LPIN1: variants seen among roughly 807,000 people sequenced by gnomAD.
LPIN1 encodes the protein phosphatidate phosphatase LPIN1.
LPIN1 carries 71 observed loss-of-function variants against 107.5 expected under a neutral mutation model. That is an observed-to-expected ratio of 0.66 (90% CI 0.55 to 0.80). LPIN1 has a LOEUF of 0.80. Among genes scored for constraint, LPIN1 ranks in the 30% least tolerant of loss-of-function variants. LPIN1 has a pLI of 0.00. For missense variants in LPIN1, 1,043 were observed against 1,160.6 expected (o/e 0.90, Z 1.47); for synonymous variants, 445 against 452.6 (o/e 0.98, Z 0.21).
rs1662928757 is a variant in LPIN1 at position 11,702,638 on chromosome 2, T to A, written c.82-11118T>A. ...CTTCATGCATGCCCAGGAGGCTTTT[T>A]GCAATAAGGACTGCACAAAGAATAT... On this transcript the variant is annotated intron_variant, in intron 1 of 21. Coordinates refer to the LPIN1 transcript ENST00000449576. 2.0e-5 allele frequency among the ~76,000 whole-genome samples: 3 copies of A among 152,242 alleles called. No individual in the cohort carries two copies. In the South Asian group the frequency reaches 6.2e-4, roughly 31 times the overall value.
rs75955960 is a variant in LPIN1, at chr2:11,697,137, G to T, written c.82-16619G>T. 2.7e-3 allele frequency among the ~76,000 whole-genome samples: 408 copies of T among 152,344 alleles called. 8 individuals are homozygous for T. In the East Asian group the frequency reaches 0.044, roughly 16 times the overall value. ...CGGAGCTCAAGTTCTGGGAAGGGCA[G>T]TGCCCTTTTCTGTGGGGCCCTGGGC... On this transcript the variant is annotated intron_variant, in intron 1 of 21. Transcript: ENST00000449576. The surrounding 1 kb of genome is among the most constrained non-coding windows in gnomAD (Gnocchi z 4.6).
Position 11,824,638 on chromosome 2 carries a change from G to A in LPIN1, c.2628G>A (p.Val876=), listed in dbSNP as rs751832564. The change falls in exon 21 of 21, where the codon GTG becomes GTA. Residue 876 remains valine, a synonymous_variant. Coordinates refer to ENST00000674199, the MANE Select transcript of LPIN1 (RefSeq NM_001349206.2). ...AATGTCCCTTTCCTTCCAGGTATGT[G>A]AGACTCTGTGAAGTAGTCGACCACG... ...EHAKTNISSY[V]RLCEVVDHVF... The A allele has an allele frequency of 1.9e-6, 3 of 1,613,944 alleles. No individual in the cohort carries two copies. Among genetic ancestry groups the A allele is most frequent in the African/African-American group, 1.3e-5 (1 of 74,878 alleles).
At chr2:11,733,680 CAG>C (rs1665501599) in intron 1 of LPIN1, among the ~76,000 whole-genome samples, 1 of 152,102 alleles carries the variant, frequency 6.6e-6, no homozygotes, top group African/African-American at 2.4e-5. Context: ...TTAGTAGAGA[CAG>C]GGTTTTGCCA....
At chr2:11,739,003 G>A (rs941248627) in intron 1 of LPIN1, among the ~76,000 whole-genome samples, 2 of 152,206 alleles carry the variant, frequency 1.3e-5, no homozygotes, top group African/African-American at 4.8e-5. Context: ...AAAAAGAGGC[G>A]CCTACACCTA....
At chr2:11,773,146 C>G (rs183962666) in intron 4 of LPIN1, among the ~76,000 whole-genome samples, 1 of 152,202 alleles carries the variant, frequency 6.6e-6, no homozygotes, top group Non-Finnish European at 1.5e-5. Context: ...ATTCTGTAAT[C>G]GTAAGGCATG....
intron 17 of LPIN1, among the ~76,000 whole-genome samples, chr2:11,812,873 G>A (rs997043150): frequency 6.6e-6 from 1 of 152,200 alleles, no homozygotes; most frequent in African/African-American, 2.4e-5. Context: ...GAGGCCAGGA[G>A]GCCATGCGGT....
chr2:11,775,328 C>G (rs1672493910), intron 5 of LPIN1, among the ~76,000 whole-genome samples: 1 of 151,876 alleles, frequency 6.6e-6, no homozygotes, highest in African/African-American at 2.4e-5. Flanking sequence ...TATTTAGAAC[C>G]CAATAATAGA....
chr2:11,688,938 A>G (rs958037490), intron 1 of LPIN1, among the ~76,000 whole-genome samples: 37 of 152,218 alleles, frequency 2.4e-4, no homozygotes, highest in African/African-American at 8.4e-4. Context: ...TTTCTACCCA[A>G]TTAGAAATGC....
intron 17 of LPIN1, among the ~76,000 whole-genome samples, chr2:11,812,496 A>T (rs73189038): frequency 0.052 from 7,967 of 152,172 alleles, 388 homozygotes; most frequent in East Asian, 0.15. Flanking sequence ...GCAGAGACCT[A>T]GATGAGGTGA....
chr2:11,797,496 G>C (rs1676928733), intron 14 of LPIN1, among the ~76,000 whole-genome samples: 1 of 152,212 alleles, frequency 6.6e-6, no homozygotes, highest in South Asian at 2.1e-4. Context: ...AGTGCCCAAG[G>C]CTGTGGGAGC....
At chr2:11,739,035 G>A (rs1666075341) in intron 1 of LPIN1, among the ~76,000 whole-genome samples, 1 of 152,232 alleles carries the variant, frequency 6.6e-6, no homozygotes, top group Non-Finnish European at 1.5e-5. Context: ...TGTGGGCTGG[G>A]CTTACTAATA....
chr2:11,817,509 G>A (rs1376055734), intron 18 of LPIN1: 2 of 152,182 alleles, frequency 1.3e-5, no homozygotes, highest in Non-Finnish European at 2.9e-5. Context: ...TTATCTGAAG[G>A]TGTTGCTTTC....
Position 11,819,595 on chromosome 2 carries a change from A to C in LPIN1, c.2514A>C (p.Pro838=). ...EPFYAAFGNR[P]ADVYSYKQVG... is the part of the protein sequence containing the mutation. ...TTTATGCTGCTTTTGGAAACCGACC[A>C]GCTGTAAGTAGTAGATTGGGTATAG... is the stretch of plus-strand genomic sequence containing the variant. The change falls in exon 19 of 21, where the codon CCA becomes CCC. Residue 838 remains proline (P), a synonymous_variant. Transcript: ENST00000674199. 1 of 1,610,460 alleles carries C rather than the reference A, an allele frequency of 6.2e-7. No homozygotes were observed. The highest frequency in any genetic ancestry group is 8.5e-7 in the Non-Finnish European group (1 of 1,176,632).
At chr2:11,790,761 TC>T in intron 12 of LPIN1, among the ~76,000 whole-genome samples, 1 of 152,218 alleles carries the variant, frequency 6.6e-6, no homozygotes, top group Non-Finnish European at 1.5e-5. Flanking sequence ...CGTTTTCTGT[TC>T]CTGTGATATG....
At chr2:11,788,906 G>A (rs1474794314) in intron 12 of LPIN1, among the ~76,000 whole-genome samples, 1 of 152,224 alleles carries the variant, frequency 6.6e-6, no homozygotes, top group Non-Finnish European at 1.5e-5. Context: ...CTGAGTCTCT[G>A]AGGCCAGAGC....
rs1671819767 is a variant in LPIN1, at chr2:11,771,407, C to T, written c.324C>T (p.Ile108=). The T allele has an allele frequency of 1.9e-6, 3 of 1,614,258 alleles. No homozygotes were observed. The highest frequency in any genetic ancestry group is 2.5e-6 in the Non-Finnish European group (3 of 1,180,040). Residue 108 remains isoleucine (I), a synonymous_variant, in exon 4 of 21, where the codon ATC becomes ATT. Transcript: ENST00000674199. The surrounding 1 kb of genome is among the most constrained non-coding windows in gnomAD (Gnocchi z 4.8). ...VIPMHLATSP[I]LSEGASRMEC... is the part of the protein sequence containing the mutation. ...CTATGCACCTGGCCACCTCCCCCAT[C>T]CTGTCAGAAGGAGCTTCGAGAATGG...
chr2:11,822,179 C>T (rs571548691), intron 20 of LPIN1, among the ~76,000 whole-genome samples: 1 of 151,516 alleles, frequency 6.6e-6, no homozygotes, highest in South Asian at 2.1e-4. Flanking sequence ...GCCTATAATC[C>T]CAGCACTTTG....
At chr2:11,767,259 C>A (rs1255977620) in intron 2 of LPIN1, among the ~76,000 whole-genome samples, 1 of 152,070 alleles carries the variant, frequency 6.6e-6, no homozygotes, top group Non-Finnish European at 1.5e-5. Context: ...AGGATCCCAG[C>A]CAATAGTTGA....
intron 4 of LPIN1, 48 bp from the exon 5 acceptor site, chr2:11,773,572 T>C: frequency 1.9e-6 from 3 of 1,550,012 alleles, no homozygotes; most frequent in Non-Finnish European, 2.7e-6. Context: ...TGATTATGAA[T>C]CTATCATTAA....
Sources: allele counts gnomAD v4.1 joint callset (sites outside exome capture counted in the v4.1 genomes callset), GRCh38; gene constraint gnomAD v4.1.1; non-coding constraint Gnocchi (gnomAD v3.1); transcripts MANE v1.5; gene names NCBI Gene and HGNC (gene_info 2026-07-23, HGNC 2026-07-21).